TTC6: variants seen among roughly 807,000 people sequenced by gnomAD.
TTC6 encodes the protein tetratricopeptide repeat protein 6.
In TTC6, 172 loss-of-function variants were observed where a neutral mutation model predicts 210.4. The ratio of observed to expected loss-of-function variants is 0.82; its 90% confidence interval spans 0.72 to 0.93. The LOEUF (loss-of-function observed/expected upper bound fraction) is 0.93. Ranked by LOEUF, TTC6 falls within the 40% of genes least tolerant of loss-of-function variation. The probability of loss-of-function intolerance (pLI) is 0.00; values close to 1 mark genes in which losing one functional copy is unlikely to be tolerated. For missense variants in TTC6, 2,414 were observed against 2,318.1 expected (o/e 1.04, Z -0.85); for synonymous variants, 804 against 819.6 (o/e 0.98, Z 0.32).
At position 37,716,106 on chromosome 14, in the gene TTC6, C is replaced by T. The variant is rs75827536; in HGVS notation, c.1713+1310C>T. Among the ~76,000 whole-genome samples, 56 of 152,194 alleles carry T rather than the reference C, an allele frequency of 3.7e-4. No individual in the cohort carries two copies. The East Asian group carries it at 8.7e-3, about 24-fold the overall frequency. On this transcript the variant is annotated intron_variant, in intron 6 of 30. Coordinates refer to ENST00000553443, the Ensembl canonical transcript of TTC6. ...AGGGAGGTGAGATTTCTACGTATCA[C>T]TTGAACTAGTAAAATAATACCCTCA...
chr14:37,634,213 T>G (rs2095675582), intron 1 of TTC6, among the ~76,000 whole-genome samples: 1 of 152,078 alleles, frequency 6.6e-6, no homozygotes, highest in Admixed American at 6.5e-5. Flanking sequence ...TGAGCAATTA[T>G]GAATGTACTT....
chr14:37,638,777 A>G (rs1338554255), intron 1 of TTC6, among the ~76,000 whole-genome samples: 1 of 152,112 alleles, frequency 6.6e-6, no homozygotes, highest in Non-Finnish European at 1.5e-5. Flanking sequence ...ATATCTCTGT[A>G]TTTTTCTTAG....
chr14:37,682,697 T>C, intron 2 of TTC6, 61 bp from the exon 5 acceptor site: 1 of 1,407,534 alleles, frequency 7.1e-7, no homozygotes, highest in Non-Finnish European at 9.6e-7. Context: ...GTTGCATCAC[T>C]GAAAAGCCTA....
At chr14:37,833,359 TATA>T (rs1490702031) in intron 29 of TTC6, among the ~76,000 whole-genome samples, 1 of 152,256 alleles carries the variant, frequency 6.6e-6, no homozygotes, top group Non-Finnish European at 1.5e-5. Context: ...TTTATCATTA[TATA>T]ATGACATTGT....
chr14:37,615,856 C>A (rs2095641863), intron 2 of TTC6, among the ~76,000 whole-genome samples: 1 of 152,134 alleles, frequency 6.6e-6, no homozygotes, highest in African/African-American at 2.4e-5. Flanking sequence ...AATCTCAACA[C>A]CTGAGTCATT....
intron 1 of TTC6, 38 bp downstream of exon 1, chr14:37,596,046 CT>C (rs144611453): frequency 0.34 from 50,066 of 149,254 alleles, 9,972 homozygotes; most frequent in East Asian, 0.53. Flanking sequence ...TATGACATAA[CT>C]TTTTTTTTTT....
At chr14:37,621,089 T>C (rs1376867589), upstream of TTC6, among the ~76,000 whole-genome samples, 1 of 152,144 alleles carries the variant, frequency 6.6e-6, no homozygotes, top group Non-Finnish European at 1.5e-5. Context: ...ATTCCCTTCC[T>C]ACACACTGCT....
chr14:37,667,139 A>G (rs2138447676), intron 1 of TTC6, among the ~76,000 whole-genome samples: 1 of 150,268 alleles, frequency 6.7e-6, no homozygotes, highest in Non-Finnish European at 1.5e-5. Flanking sequence ...GGGTCCTTAA[A>G]ATATCACGGG....
intron 10 of TTC6, among the ~76,000 whole-genome samples, chr14:37,740,262 C>T (rs2095915088): frequency 6.6e-6 from 1 of 152,008 alleles, no homozygotes; most frequent in South Asian, 2.1e-4. Flanking sequence ...TAATAGTAGC[C>T]AGTATATTTA....
intron 1 of TTC6, among the ~76,000 whole-genome samples, chr14:37,645,819 G>A (rs2095700593): frequency 6.6e-6 from 1 of 152,184 alleles, no homozygotes; most frequent in Admixed American, 6.5e-5. Flanking sequence ...GTGGTTCTCA[G>A]TACTATCAGA....
At chr14:37,842,159 G>A (rs2096211622) in exon 31 of TTC6, 7 of 1,551,118 alleles carry the variant, frequency 4.5e-6, no homozygotes, top group Non-Finnish European at 5.2e-6. Context: ...TTGCAGCCCT[G>A]TCTTTGAAGC....
chr14:37,806,462 G>A lies in TTC6; in HGVS notation c.4266G>A (p.Ser1422=), dbSNP rs1050487467. ...AAGTGAAACTCCACAAGGATAGCTC[G>A]ATTCTGGATTTTAATCGTGCAATTA... is the stretch of plus-strand genomic sequence containing the variant. The change falls in exon 22 of 31, where the codon TCG becomes TCA. Residue 1422 remains serine, a synonymous_variant. Transcript: ENST00000553443. 5.9e-6 allele frequency: 9 copies of A among 1,534,976 alleles called. No individual in the cohort carries two copies. The African/African-American group carries it at 9.6e-5, about 16-fold the overall frequency.
chr14:37,746,546 A>G (rs369166593), intron 10 of TTC6, among the ~76,000 whole-genome samples: 1 of 152,134 alleles, frequency 6.6e-6, no homozygotes, highest in African/African-American at 2.4e-5. Flanking sequence ...GGTAATTCTG[A>G]TGCATGCTGA....
rs1274265858 is a variant in TTC6, at chr14:37,717,169, C to CAAAA, written c.1713+2377_1713+2380dup. On this transcript the variant is annotated intron_variant, in intron 6 of 30. Transcript: ENST00000553443. ...TTTAAGCTCCCACCTAAGAACCCCCCAAAAAAAGAGCAAAATGAACCCAAA... is the reference window on the plus strand; with the variant it reads ...TTTAAGCTCCCACCTAAGAACCCCCCAAAAAAAAAAAGAGCAAAATGAACCCAAA... Among the ~76,000 whole-genome samples, 1,156 of 150,976 alleles carry CAAAA rather than the reference C, an allele frequency of 7.7e-3. 4 individuals carry two copies. The highest frequency in any genetic ancestry group is 0.013 in the Non-Finnish European group (871 of 67,788).
chr14:37,599,637 C>T (rs778954549), intron 1 of TTC6, among the ~76,000 whole-genome samples: 1 of 152,178 alleles, frequency 6.6e-6, no homozygotes, highest in South Asian at 2.1e-4. Context: ...CCGGCCTCGC[C>T]CGCGGGCGAC....
At chr14:37,639,408 A>G (rs948561187) in intron 1 of TTC6, among the ~76,000 whole-genome samples, 14 of 152,198 alleles carry the variant, frequency 9.2e-5, no homozygotes, top group African/African-American at 3.1e-4. Context: ...TGTCGTCCTC[A>G]TAGATGTAAC....
intron 14 of TTC6, among the ~76,000 whole-genome samples, chr14:37,761,813 T>C (rs1012868947): frequency 6.6e-6 from 1 of 152,226 alleles, no homozygotes; most frequent in Non-Finnish European, 1.5e-5. Context: ...CATGTGGCTC[T>C]AGTTTCTTCA....
intron 29 of TTC6, among the ~76,000 whole-genome samples, chr14:37,831,367 A>C (rs1445570000): frequency 6.6e-6 from 1 of 152,144 alleles, no homozygotes; most frequent in Non-Finnish European, 1.5e-5. Context: ...GGCTATTGTG[A>C]ATAGTTCTGG....
chr14:37,614,409 A>G (rs2095639277), intron 2 of TTC6, among the ~76,000 whole-genome samples: 1 of 152,178 alleles, frequency 6.6e-6, no homozygotes, highest in South Asian at 2.1e-4. Context: ...TGGTTGTCAT[A>G]TGTACTGCAC....
Sources: gnomAD v4.1 joint callset for allele counts (sites outside exome capture counted in the v4.1 genomes callset) on GRCh38, gnomAD v4.1.1 for gene constraint, MANE v1.5 for transcripts, NCBI Gene and HGNC (gene_info 2026-07-23, HGNC 2026-07-21) for gene names.